ARVCF: variants seen among roughly 807,000 people sequenced by gnomAD.
The protein encoded by ARVCF is ARVCF delta catenin family member, also known as splicing regulator ARVCF.
ARVCF carries 66 observed loss-of-function variants against 90.9 expected under a neutral mutation model. The observed-to-expected ratio is 0.73, with a 90% CI of 0.60 to 0.89. The LOEUF (loss-of-function observed/expected upper bound fraction) is 0.89. ARVCF is among the 40% of genes least tolerant of loss of function. The pLI is 0.00. For missense variants in ARVCF, 1,469 were observed against 1,382.3 expected (o/e 1.06, Z -1.00); for synonymous variants, 653 against 603.4 (o/e 1.08, Z -1.21).
rs747377919 is a variant in ARVCF at position 19,973,637 on chromosome 22, C to T, written c.2239+6G>A. On this transcript the variant is annotated splice_donor_region_variant and intron_variant, in intron 13 of 19. Coordinates refer to ENST00000263207, the MANE Select transcript of ARVCF (RefSeq NM_001670.3). ...GCCCAGGCGTGGGCTTTGCAGGCGT[C>T]CTCACCGATGAGGTCTTTGTTGCGC... 1.9e-6 allele frequency: 3 copies of T among 1,602,034 alleles called. No homozygotes were observed. Among genetic ancestry groups the T allele is most frequent in the East Asian group, 4.5e-5 (2 of 44,660 alleles).
chr22:20,001,006 C>T (rs1401160770), intron 2 of ARVCF, among the ~76,000 whole-genome samples: 2 of 152,202 alleles, frequency 1.3e-5, no homozygotes, highest in Non-Finnish European at 2.9e-5. Flanking sequence ...CACAGGGACC[C>T]ACAGCTGCCC....
Position 19,981,205 on chromosome 22 carries a change from G to A in ARVCF, c.896+6C>T. 1 of 1,526,618 alleles carries A rather than the reference G, an allele frequency of 6.6e-7. No individual in the cohort carries two copies. Among genetic ancestry groups the A allele is most frequent in the Non-Finnish European group, 8.8e-7 (1 of 1,133,612 alleles). 94.6% of individuals were successfully genotyped at this position (1,526,618 alleles called of 1,614,324 possible). On this transcript the variant is annotated splice_donor_region_variant and intron_variant, in intron 5 of 19. Coordinates refer to ENST00000263207, the MANE Select transcript of ARVCF (RefSeq NM_001670.3). ...AGGTAGCCACAGGGGACGGGGTGCA[G>A]CTCACCTGGTATGAAGGCCCCGCCC...
chr22:20,003,430 C>A (rs980184705), intron 2 of ARVCF, among the ~76,000 whole-genome samples: 9 of 152,094 alleles, frequency 5.9e-5, no homozygotes, highest in African/African-American at 2.2e-4. Flanking sequence ...AGGCCAATAA[C>A]CCTTATGAAT....
At chr22:20,008,661 C>A (rs925020466) in intron 2 of ARVCF, among the ~76,000 whole-genome samples, 2 of 152,214 alleles carry the variant, frequency 1.3e-5, no homozygotes, top group African/African-American at 4.8e-5. Flanking sequence ...CAGCTGCCTC[C>A]CGCTGTGGAC....
At chr22:20,002,444 G>A (rs1486756761) in intron 2 of ARVCF, among the ~76,000 whole-genome samples, 1 of 152,000 alleles carries the variant, frequency 6.6e-6, no homozygotes, top group Non-Finnish European at 1.5e-5. Flanking sequence ...GCTGTTTTAT[G>A]ATAAAAAAGA....
At position 19,970,407 on chromosome 22, in the gene ARVCF, A is replaced by C. The variant is rs934147747; in HGVS notation, c.*349T>G. 9.6e-7 allele frequency: 1 copy of C among 1,037,416 alleles called. No homozygotes were observed. Among genetic ancestry groups the C allele is most frequent in the Non-Finnish European group, 1.2e-6 (1 of 859,832 alleles). The allele number at this position is 1,037,416 out of a possible 1,614,324, so 64.3% of individuals were successfully genotyped here. On this transcript the variant is annotated 3_prime_UTR_variant, in exon 20 of 20. Coordinates refer to ENST00000263207, the MANE Select transcript of ARVCF (RefSeq NM_001670.3). ...ACTGGGGCACTGTGTTCCCAGGGGCACCCTCCTATCCCACCAGCCCCAAAG... is the reference window on the plus strand; with the variant it reads ...ACTGGGGCACTGTGTTCCCAGGGGCCCCCTCCTATCCCACCAGCCCCAAAG...
At chr22:19,984,129 T>C (rs935286918) in intron 3 of ARVCF, among the ~76,000 whole-genome samples, 1 of 152,176 alleles carries the variant, frequency 6.6e-6, no homozygotes, top group Non-Finnish European at 1.5e-5. Flanking sequence ...GAGGAAACGT[T>C]ACCCAGGACT....
At chr22:19,986,801 T>A in intron 3 of ARVCF, 1 of 394,972 alleles carries the variant, frequency 2.5e-6, no homozygotes, top group South Asian at 4.9e-5. Context: ...AAGAGGAGGG[T>A]CAAACTGCCA....
At chr22:20,001,894 G>C (rs1944458356) in intron 2 of ARVCF, among the ~76,000 whole-genome samples, 1 of 152,234 alleles carries the variant, frequency 6.6e-6, no homozygotes, top group Non-Finnish European at 1.5e-5. Flanking sequence ...GCAGACTGTA[G>C]AAAACACGCA....
rs1015873984 is a variant in ARVCF, at chr22:19,973,169, C to T, written c.2388G>A (p.Ser796=). The T allele has an allele frequency of 6.2e-7, 1 of 1,610,354 alleles. No individual in the cohort carries two copies. Among genetic ancestry groups the T allele is most frequent in the South Asian group, 1.1e-5 (1 of 90,722 alleles). ...IVSDSLDNAR[S]LLQARGVPAL... ...CTGGCACCCCGCGTGCCTGCAGGAGCGAGCGCGCGTTATCCAGGCTGTCGG... is the reference window on the plus strand; with the variant it reads ...CTGGCACCCCGCGTGCCTGCAGGAGTGAGCGCGCGTTATCCAGGCTGTCGG... The change falls in exon 14 of 20, where the codon TCG becomes TCA. Residue 796 remains serine, a synonymous_variant. Transcript: ENST00000263207.
chr22:20,002,446 T>C (rs1015715258), intron 2 of ARVCF, among the ~76,000 whole-genome samples: 6 of 152,126 alleles, frequency 3.9e-5, no homozygotes, highest in African/African-American at 1.2e-4. Flanking sequence ...TGTTTTATGA[T>C]AAAAAAGAGC....
rs1467100754 is a variant in ARVCF, at chr22:19,990,647, C to T, written c.148G>A (p.Val50Ile). ...TGCCCACTGCCCATGCCACCACTGA[C>T]CATGCCAGGCTGCTGGGCACGCTCC... ...QLERAQQPGMVSGGMGSGQPL... is the reference protein window; with the variant it reads ...QLERAQQPGMISGGMGSGQPL... The change falls in exon 3 of 20, where the codon GTC becomes ATC. Residue 50 changes from valine (V) to isoleucine (I), a missense_variant. Transcript: ENST00000263207. The T allele has an allele frequency of 1.9e-6, 3 of 1,609,358 alleles. No individual in the cohort carries two copies. In the South Asian group the frequency reaches 3.3e-5, roughly 18 times the overall value.
intron 7 of ARVCF, among the ~76,000 whole-genome samples, chr22:19,978,308 A>G (rs1055629047): frequency 6.6e-6 from 1 of 152,176 alleles, no homozygotes; most frequent in African/African-American, 2.4e-5. Context: ...ATAGCTGGGC[A>G]GGGAAAGACA....
In ARVCF at chr22:19,996,393, C is replaced by T. The variant is rs1038280967; in HGVS notation, c.-18-5581G>A. 3.3e-5 allele frequency among the ~76,000 whole-genome samples: 5 copies of T among 151,672 alleles called. No individual in the cohort carries two copies. The South Asian group carries it at 6.3e-4, about 19-fold the overall frequency. On this transcript the variant is annotated intron_variant, in intron 2 of 19. Transcript: ENST00000263207. The stretch of plus-strand genomic sequence containing the variant: ...CATTTAGAGCAACACATGCAGTGAG[C>T]GTTTTGATGAAATGACGGGTGCTGG...
rs1357905822 is a variant in ARVCF at position 19,973,796 on chromosome 22, G to C, written c.2089-3C>G. On this transcript the variant is annotated splice_region_variant and splice_polypyrimidine_tract_variant and intron_variant, in intron 12 of 19. Transcript: ENST00000263207. Reference sequence around the variant, plus strand: ...GTGGCGCGGATGTACGTGGCCCACTGCGGAGGCGGGGAGAGGGTTGCTCAG... The same window carrying C: ...GTGGCGCGGATGTACGTGGCCCACTCCGGAGGCGGGGAGAGGGTTGCTCAG... 3 of 1,602,314 alleles carry C rather than the reference G, an allele frequency of 1.9e-6. No individual in the cohort carries two copies. The African/African-American group carries it at 4.0e-5, about 21-fold the overall frequency.
chr22:19,970,302 C>T lies in ARVCF; in HGVS notation c.*454G>A. The stretch of plus-strand genomic sequence containing the variant: ...CCTGCAGGGTGCCCAGGGAGACCCT[C>T]CGCCTTTAGAAGTCCAAGTTCTTTC... On this transcript the variant is annotated 3_prime_UTR_variant, in exon 20 of 20. Transcript: ENST00000263207. 6.0e-6 allele frequency: 6 copies of T among 995,456 alleles called. No individual in the cohort carries two copies. Among genetic ancestry groups the T allele is most frequent in the Non-Finnish European group, 7.2e-6 (6 of 835,970 alleles). The allele number at this position is 995,456 out of a possible 1,614,324, so 61.7% of individuals were successfully genotyped here. A position where few individuals can be genotyped will look rare whatever the true frequency, so the allele number is the denominator to read the frequency against.
chr22:19,973,894 C>T, intron 12 of ARVCF, 101 bp from the exon 13 acceptor site: 3 of 1,507,294 alleles, frequency 2.0e-6, no homozygotes, highest in South Asian at 1.3e-5. Context: ...TGCTCCCGTG[C>T]CCGACAAAGC....
chr22:19,968,003 T>C (rs1361619571), downstream of ARVCF, among the ~76,000 whole-genome samples: 2 of 152,130 alleles, frequency 1.3e-5, no homozygotes, highest in Non-Finnish European at 2.9e-5. Flanking sequence ...CTGGTGAAGA[T>C]GGGGGGTCTG....
In ARVCF at chr22:19,979,009, T is replaced by A. The variant is rs1943325989; in HGVS notation, c.1468A>T (p.Thr490Ser). 6.2e-7 allele frequency: 1 copy of A among 1,613,340 alleles called. No individual in the cohort carries two copies. The highest frequency in any genetic ancestry group is 1.3e-5 in the African/African-American group (1 of 75,034). ...VIIDHGLQTL[T>S]HEVIVPHSGW... Reference sequence around the variant, plus strand: ...GAGTGGGGCACGATCACCTCGTGGGTCAGCGTCTGCAGGCCATGGTCAATG... The same window carrying A: ...GAGTGGGGCACGATCACCTCGTGGGACAGCGTCTGCAGGCCATGGTCAATG... Residue 490 changes from threonine to serine, a missense_variant, in exon 7 of 20, where the codon ACC becomes TCC. Transcript: ENST00000263207.
Sources: allele counts gnomAD v4.1 joint callset (sites outside exome capture counted in the v4.1 genomes callset), GRCh38; gene constraint gnomAD v4.1.1; transcripts MANE v1.5; gene names NCBI Gene and HGNC (gene_info 2026-07-23, HGNC 2026-07-21).